PRKAR2B: variants seen among roughly 807,000 people sequenced by gnomAD.
PRKAR2B encodes cAMP-dependent protein kinase type II-beta regulatory subunit.
Under a neutral mutation model 49.9 loss-of-function variants are expected in PRKAR2B, and 14 were observed. That is an observed-to-expected ratio of 0.28 (90% confidence interval 0.19 to 0.44). The LOEUF (loss-of-function observed/expected upper bound fraction) is 0.44. PRKAR2B is among the 20% of genes least tolerant of loss of function. The pLI, the probability that PRKAR2B is intolerant of heterozygous loss-of-function variation, is 1.00. For missense variants in PRKAR2B, 393 were observed against 537.9 expected (o/e 0.73, Z 2.67); for synonymous variants, 196 against 197.7 (o/e 0.99, Z 0.07).
At chr7:107,157,835 TCA>T (rs1796123299) in intron 10 of PRKAR2B, among the ~76,000 whole-genome samples, 1 of 152,208 alleles carries the variant, frequency 6.6e-6, no homozygotes, top group African/African-American at 2.4e-5. Flanking sequence ...AATGTCATCT[TCA>T]GGTGCAGGCA....
At chr7:107,140,748 C>T (rs1795776984) in intron 4 of PRKAR2B, 99 bp from the exon 5 acceptor site, 37 of 757,776 alleles carry the variant, frequency 4.9e-5, no homozygotes, top group Admixed American at 1.2e-4. Flanking sequence ...TGATTATTTC[C>T]ATTTCTTTGG....
chr7:107,048,557 G>A (rs1373804262), intron 1 of PRKAR2B, among the ~76,000 whole-genome samples: 1 of 152,190 alleles, frequency 6.6e-6, no homozygotes, highest in Non-Finnish European at 1.5e-5. Context: ...TAGGACAAAC[G>A]TAGGGATCAA....
At chr7:107,052,159 T>G (rs1584400659) in intron 1 of PRKAR2B, among the ~76,000 whole-genome samples, 1 of 152,292 alleles carries the variant, frequency 6.6e-6, no homozygotes, top group East Asian at 1.9e-4. Flanking sequence ...GGCTCATGTC[T>G]ATAATTCCCA....
chr7:107,147,752 C>T (rs1056931321), intron 6 of PRKAR2B, among the ~76,000 whole-genome samples: 1 of 152,154 alleles, frequency 6.6e-6, no homozygotes, highest in Non-Finnish European at 1.5e-5. Flanking sequence ...TTGAAAATAG[C>T]CCACCCACTA....
intron 4 of PRKAR2B, among the ~76,000 whole-genome samples, chr7:107,140,474 A>T (rs1050968379): frequency 6.6e-6 from 1 of 152,226 alleles, no homozygotes; most frequent in African/African-American, 2.4e-5. Context: ...GGAAGTTTTT[A>T]AAAATGGGTA....
intron 4 of PRKAR2B, among the ~76,000 whole-genome samples, chr7:107,135,527 C>T (rs1289412342): frequency 6.6e-6 from 1 of 152,034 alleles, no homozygotes; most frequent in Non-Finnish European, 1.5e-5. Flanking sequence ...AACAAGGTTG[C>T]AGGATACAAG....
intron 1 of PRKAR2B, among the ~76,000 whole-genome samples, chr7:107,059,712 G>GTGTGTA (rs940187916): frequency 4.6e-5 from 7 of 152,026 alleles, no homozygotes; most frequent in South Asian, 2.1e-4. Context: ...GTGTGTGTGT[G>GTGTGTA]TGTGTGTATG....
intron 1 of PRKAR2B, among the ~76,000 whole-genome samples, chr7:107,064,617 A>C (rs1318477903): frequency 1.3e-5 from 2 of 152,230 alleles, no homozygotes; most frequent in African/African-American, 2.4e-5. Context: ...AAGACCATGA[A>C]GCCTTGGAGG....
chr7:107,147,590 A>G (rs914152846), intron 6 of PRKAR2B, among the ~76,000 whole-genome samples: 2 of 152,208 alleles, frequency 1.3e-5, no homozygotes, highest in African/African-American at 4.8e-5. Flanking sequence ...TAAAATGCAG[A>G]TTCTGATTCA....
intron 10 of PRKAR2B, among the ~76,000 whole-genome samples, 153 bp downstream of exon 10, chr7:107,157,477 T>C (rs1473016410): frequency 1.3e-5 from 2 of 152,238 alleles, no homozygotes; most frequent in Non-Finnish European, 2.9e-5. Flanking sequence ...ATAAAATCAA[T>C]TTGTGGAAGC....
At chr7:107,078,951 C>G (rs1475385625) in intron 2 of PRKAR2B, among the ~76,000 whole-genome samples, 2 of 152,188 alleles carry the variant, frequency 1.3e-5, no homozygotes, top group Non-Finnish European at 2.9e-5. Flanking sequence ...ACTCTTCACA[C>G]TGGTGGTTTT....
At chr7:107,121,863 C>A in intron 2 of PRKAR2B, 89 bp from the exon 3 acceptor site, 2 of 699,468 alleles carry the variant, frequency 2.9e-6, no homozygotes, top group East Asian at 3.0e-5. Flanking sequence ...CCGTGGTACT[C>A]TTTTTGTTCA....
intron 1 of PRKAR2B, among the ~76,000 whole-genome samples, chr7:107,048,658 C>T (rs1267226874): frequency 3.3e-5 from 5 of 152,058 alleles, no homozygotes; most frequent in African/African-American, 7.2e-5. Context: ...GGCCAGGGGT[C>T]GGTGATTTTT....
At chr7:107,050,000 A>G (rs1474178435) in intron 1 of PRKAR2B, among the ~76,000 whole-genome samples, 1 of 152,348 alleles carries the variant, frequency 6.6e-6, no homozygotes, top group East Asian at 1.9e-4. Flanking sequence ...TTTTCAAAGC[A>G]GAAGTTAAGA....
intron 2 of PRKAR2B, among the ~76,000 whole-genome samples, chr7:107,105,279 A>G (rs1400324754): frequency 6.6e-6 from 1 of 152,180 alleles, no homozygotes; most frequent in East Asian, 1.9e-4. Context: ...TTAGAGCTAG[A>G]AGTAGTATTC....
chr7:107,144,682 A>G (rs1726442276), intron 5 of PRKAR2B, among the ~76,000 whole-genome samples: 2 of 151,576 alleles, frequency 1.3e-5, no homozygotes, highest in Non-Finnish European at 2.9e-5. Context: ...GCTGGTCTTG[A>G]ACTCCTGGAT....
At chr7:107,061,961 A>G (rs1794035852) in intron 1 of PRKAR2B, among the ~76,000 whole-genome samples, 2 of 152,176 alleles carry the variant, frequency 1.3e-5, no homozygotes, top group South Asian at 2.1e-4. Context: ...ATTTTTAGTT[A>G]TCAGGATAGT....
At chr7:107,068,607 G>A (rs1794199894) in intron 1 of PRKAR2B, 1 of 152,076 alleles carries the variant, frequency 6.6e-6, no homozygotes, top group African/African-American at 2.4e-5. Context: ...TATATAAATA[G>A]TAAATATTGT....
intron 1 of PRKAR2B, among the ~76,000 whole-genome samples, chr7:107,048,704 GCAAA>G (rs1432002449): frequency 6.6e-6 from 1 of 152,226 alleles, no homozygotes; most frequent in Non-Finnish European, 1.5e-5. Context: ...TGGCGCTAGA[GCAAA>G]CAGTCAGATG....
Sources: gnomAD v4.1 joint callset for allele counts (sites outside exome capture counted in the v4.1 genomes callset) on GRCh38, gnomAD v4.1.1 for gene constraint, MANE v1.5 for transcripts, NCBI Gene and HGNC (gene_info 2026-07-23, HGNC 2026-07-21) for gene names.